CDKAL1: variants seen among roughly 807,000 people sequenced by gnomAD.
The protein encoded by CDKAL1 is threonylcarbamoyladenosine tRNA methylthiotransferase.
Under a neutral mutation model 68.2 loss-of-function variants are expected in CDKAL1, and 32 were observed. The ratio of observed to expected loss-of-function variants is 0.47; its 90% confidence interval spans 0.35 to 0.63. CDKAL1 has a LOEUF of 0.63. Ranked by LOEUF, CDKAL1 falls within the 30% of genes least tolerant of loss-of-function variation. The pLI, the probability that CDKAL1 is intolerant of heterozygous loss-of-function variation, is 0.00. For synonymous variants in CDKAL1, 234 were observed against 244.3 expected (o/e 0.96, Z 0.39); for missense variants, 606 against 696.7 (o/e 0.87, Z 1.47).
At chr6:21,186,496 A>G (rs1778020222) in intron 13 of CDKAL1, among the ~76,000 whole-genome samples, 1 of 152,190 alleles carries the variant, frequency 6.6e-6, no homozygotes, top group South Asian at 2.1e-4. Flanking sequence ...CTGAATGGAA[A>G]ATGACAGATT....
At chr6:21,007,510 G>C (rs2473089) in intron 11 of CDKAL1, among the ~76,000 whole-genome samples, 1 of 119,456 alleles carries the variant, frequency 8.4e-6, no homozygotes, top group Admixed American at 8.9e-5. Flanking sequence ...AAAAAAAAAA[G>C]CCCACAATGA....
At chr6:20,632,671 T>A (rs1013309471) in intron 4 of CDKAL1, among the ~76,000 whole-genome samples, 1 of 152,238 alleles carries the variant, frequency 6.6e-6, no homozygotes, top group Admixed American at 6.5e-5. Context: ...GCTTTCTTGG[T>A]CTCGCTTATT....
intron 5 of CDKAL1, 138 bp downstream of exon 5, chr6:20,649,515 A>G (rs1186588243): frequency 3.7e-6 from 2 of 541,622 alleles, no homozygotes; most frequent in Non-Finnish European, 6.4e-6. Context: ...AGATTATACT[A>G]TTTTGAATTT....
At chr6:21,097,470 A>C (rs1328181337) in intron 12 of CDKAL1, among the ~76,000 whole-genome samples, 1 of 152,142 alleles carries the variant, frequency 6.6e-6, no homozygotes, top group Non-Finnish European at 1.5e-5. Flanking sequence ...TCCGTCTCAA[A>C]AAACAAAAAA....
intron 8 of CDKAL1, among the ~76,000 whole-genome samples, chr6:20,793,104 T>C (rs1480667004): frequency 6.6e-6 from 1 of 152,184 alleles, no homozygotes; most frequent in Non-Finnish European, 1.5e-5. Flanking sequence ...GCATCACATA[T>C]TGTTCTCACT....
intron 11 of CDKAL1, among the ~76,000 whole-genome samples, chr6:21,062,938 G>A (rs561330771): frequency 5.9e-5 from 9 of 151,626 alleles, no homozygotes; most frequent in Admixed American, 5.2e-4. Flanking sequence ...TTTTTGAGAC[G>A]AAGTCTTGTT....
At chr6:21,214,523 A>G (rs9350333) in intron 15 of CDKAL1, among the ~76,000 whole-genome samples, 21,866 of 151,386 alleles carry the variant, frequency 0.14, 1,660 homozygotes, top group East Asian at 0.22. Flanking sequence ...GGCCTTTCCA[A>G]CTGCTGGTCC....
intron 9 of CDKAL1, among the ~76,000 whole-genome samples, chr6:20,931,445 CAG>C (rs1763456647): frequency 6.6e-6 from 1 of 152,120 alleles, no homozygotes; most frequent in Non-Finnish European, 1.5e-5. Context: ...GAGGCAGAGT[CAG>C]GGGAGTTTCG....
intron 4 of CDKAL1, among the ~76,000 whole-genome samples, chr6:20,550,730 A>G (rs1763787012): frequency 6.6e-6 from 1 of 152,106 alleles, no homozygotes; most frequent in Non-Finnish European, 1.5e-5. Flanking sequence ...TGTGTACTAA[A>G]TGGAACTATA....
intron 12 of CDKAL1, among the ~76,000 whole-genome samples, chr6:21,069,127 A>C (rs1265844988): frequency 6.6e-6 from 1 of 152,088 alleles, no homozygotes; most frequent in African/African-American, 2.4e-5. Flanking sequence ...TCATAGTTTT[A>C]ATTTTTCCAT....
chr6:21,230,310 T>C (rs1779910168), intron 15 of CDKAL1, among the ~76,000 whole-genome samples: 1 of 152,166 alleles, frequency 6.6e-6, no homozygotes, highest in Non-Finnish European at 1.5e-5. Context: ...TACCGGCACC[T>C]GCCACCACAC....
At chr6:20,980,192 G>GATAGAT (rs61624482) in intron 10 of CDKAL1, among the ~76,000 whole-genome samples, 30,144 of 148,968 alleles carry the variant, frequency 0.2, 3,182 homozygotes, top group East Asian at 0.28. Flanking sequence ...TCCAAAGATA[G>GATAGAT]ATAGATATAG....
chr6:20,741,267 A>AT (rs903218285), intron 6 of CDKAL1, among the ~76,000 whole-genome samples: 46 of 150,806 alleles, frequency 3.1e-4, no homozygotes, highest in African/African-American at 5.6e-4. Context: ...GCAGATAAAC[A>AT]TTTTTTTTTC....
At chr6:21,170,841 C>T (rs1777354034) in intron 13 of CDKAL1, among the ~76,000 whole-genome samples, 1 of 152,130 alleles carries the variant, frequency 6.6e-6, no homozygotes, top group Admixed American at 6.6e-5. Context: ...TTAGTTGGTA[C>T]TGTTAGGCTA....
chr6:20,555,907 C>T (rs1486508127), intron 4 of CDKAL1, among the ~76,000 whole-genome samples: 1 of 152,086 alleles, frequency 6.6e-6, no homozygotes, highest in Non-Finnish European at 1.5e-5. Context: ...CAGGCATGAG[C>T]CACTGCGCCC....
chr6:21,080,185 A>C (rs562767820), intron 12 of CDKAL1, among the ~76,000 whole-genome samples: 1 of 152,202 alleles, frequency 6.6e-6, no homozygotes, highest in South Asian at 2.1e-4. Context: ...GGAACTTGGA[A>C]ACGTGAAAAT....
At chr6:21,095,216 G>A (rs1422924584) in intron 12 of CDKAL1, among the ~76,000 whole-genome samples, 2 of 152,186 alleles carry the variant, frequency 1.3e-5, no homozygotes, top group African/African-American at 4.8e-5. Context: ...TATGCTTCTT[G>A]TGATGGGTGC....
chr6:20,618,698 A>G (rs1319513019), intron 4 of CDKAL1, among the ~76,000 whole-genome samples: 2 of 149,800 alleles, frequency 1.3e-5, no homozygotes, highest in Non-Finnish European at 3.0e-5. Context: ...TTTTTTTTGG[A>G]TACAGGGTCT....
At chr6:20,626,726 T>A (rs1767448715) in intron 4 of CDKAL1, among the ~76,000 whole-genome samples, 1 of 152,220 alleles carries the variant, frequency 6.6e-6, no homozygotes, top group African/African-American at 2.4e-5. Flanking sequence ...GTAATTTTCT[T>A]GGCCTTTCCT....
Sources: gnomAD v4.1 joint callset for allele counts (sites outside exome capture counted in the v4.1 genomes callset) on GRCh38, gnomAD v4.1.1 for gene constraint, MANE v1.5 for transcripts, NCBI Gene and HGNC (gene_info 2026-07-23, HGNC 2026-07-21) for gene names.